POP1: variants seen among roughly 807,000 people sequenced by gnomAD.
POP1 encodes the protein POP1 ribonuclease P/MRP subunit, also known as ribonucleases P/MRP protein subunit POP1.
In POP1, 75 loss-of-function variants were observed where a neutral mutation model predicts 102.2. That is an observed-to-expected ratio of 0.73 (90% CI 0.61 to 0.89). The LOEUF (loss-of-function observed/expected upper bound fraction) is 0.89. POP1 is among the 40% of genes least tolerant of loss of function. The pLI is 0.00. For missense variants in POP1, 1,116 were observed against 1,267.4 expected (o/e 0.88, Z 1.81); for synonymous variants, 436 against 464.1 (o/e 0.94, Z 0.78).
chr8:98,139,955 T>C lies in POP1; in HGVS notation c.1363-123T>C, dbSNP rs28645170. On this transcript the variant is annotated intron_variant, in intron 9 of 15. Coordinates refer to ENST00000401707, the MANE Select transcript of POP1 (RefSeq NM_001145860.2). ...GTATAGTGGCAACTTCCCTGGTTCA[T>C]CCCATAACACATACATTTCCACACA... The C allele has an allele frequency of 0.13, 99,190 of 788,948 alleles. 7,108 individuals are homozygous for C. The highest frequency in any genetic ancestry group is 0.21 in the Middle Eastern group (948 of 4,536). The allele number at this position is 788,948 out of a possible 1,614,324, so 48.9% of individuals were successfully genotyped here. A position where few individuals can be genotyped will look rare whatever the true frequency, so the allele number is the denominator to read the frequency against.
Position 98,156,085 on chromosome 8 carries a change from T to C in POP1, c.2093T>C (p.Leu698Pro). 6.2e-7 allele frequency: 1 copy of C among 1,614,068 alleles called. No homozygotes were observed. The highest frequency in any genetic ancestry group is 8.5e-7 in the Non-Finnish European group (1 of 1,180,032). The stretch of plus-strand genomic sequence containing the variant: ...GCAAAACGGCCCAACTACGTTAAGC[T>C]TGGCACTCTGGCACCTTTCTGCTGT... ...PPAKRPNYVK[L>P]GTLAPFCCPW... Residue 698 changes from leucine to proline, a missense_variant, in exon 15 of 16, where the codon CTT becomes CCT. Leu to Pro is a moderately conservative substitution (Grantham distance 98). Transcript: ENST00000401707.
At chr8:98,133,055 A>AC (rs1439347156) in intron 5 of POP1, among the ~76,000 whole-genome samples, 1 of 136,268 alleles carries the variant, frequency 7.3e-6, no homozygotes, top group Non-Finnish European at 1.6e-5. Context: ...TCTGCAAAAA[A>AC]AAAAAAAAAA....
At chr8:98,145,090 T>C (rs1816808773) in intron 11 of POP1, among the ~76,000 whole-genome samples, 1 of 152,074 alleles carries the variant, frequency 6.6e-6, no homozygotes, top group Non-Finnish European at 1.5e-5. Flanking sequence ...GGTTTCGCCA[T>C]GTTGCCCAGG....
At position 98,117,299 on chromosome 8, in the gene POP1, T is replaced by C. The variant is rs1815863457; in HGVS notation, c.-94T>C. On this transcript the variant is annotated 5_prime_UTR_variant, in exon 1 of 16. Coordinates refer to ENST00000401707, the MANE Select transcript of POP1 (RefSeq NM_001145860.2). ...GAAGCGCCCGGTCTGGCGCATGCGC[T>C]CTCCAGCGCGCTCTCCAGGAGCTTT... 1.7e-6 allele frequency: 1 copy of C among 597,632 alleles called. No individual in the cohort carries two copies. The highest frequency in any genetic ancestry group is 2.9e-5 in the East Asian group (1 of 35,008). 37.0% of individuals were successfully genotyped at this position (597,632 alleles called of 1,614,324 possible).
chr8:98,130,362 C>G, intron 5 of POP1, 136 bp downstream of exon 5: 1 of 1,314,386 alleles, frequency 7.6e-7, no homozygotes, highest in Non-Finnish European at 1.1e-6. Context: ...GCATGAAGCC[C>G]GGGTCCTTTG....
chr8:98,118,060 C>T (rs1815897062), intron 1 of POP1, among the ~76,000 whole-genome samples: 1 of 152,074 alleles, frequency 6.6e-6, no homozygotes, highest in African/African-American at 2.4e-5. Context: ...AATAAAATCT[C>T]TGCCTTCCCT....
At chr8:98,153,531 C>CCCTTTTTT (rs1430760385) in intron 14 of POP1, among the ~76,000 whole-genome samples, 208 of 81,162 alleles carry the variant, frequency 2.6e-3, no homozygotes, top group African/African-American at 6.5e-3. Flanking sequence ...ACAGTTCTGA[C>CCCTTTTTT]TCTTTTTTTT....
intron 9 of POP1, among the ~76,000 whole-genome samples, chr8:98,138,368 C>T (rs555118514): frequency 2.6e-5 from 4 of 152,292 alleles, no homozygotes; most frequent in South Asian, 2.1e-4. Flanking sequence ...TCTGGAATGT[C>T]AGTTCTTGTC....
chr8:98,134,940 C>G (rs1303548635), intron 7 of POP1, among the ~76,000 whole-genome samples: 1 of 152,092 alleles, frequency 6.6e-6, no homozygotes, highest in Non-Finnish European at 1.5e-5. Flanking sequence ...CATCCATCAC[C>G]ACCCATGCTG....
chr8:98,147,970 C>T lies in POP1; in HGVS notation c.1711-845C>T, dbSNP rs12334727. Among the ~76,000 whole-genome samples the T allele has an allele frequency of 6.9e-3, 1,050 of 152,156 alleles. 14 individuals carry two copies. Among genetic ancestry groups the T allele is most frequent in the African/African-American group, 0.024 (989 of 41,502 alleles). ...GAATGGAGTGTGTGAATTGTGGTGT[C>T]ATTCAGCTAGGTGAGGAATATAGGA... On this transcript the variant is annotated intron_variant, in intron 12 of 15. Transcript: ENST00000401707.
intron 10 of POP1, 146 bp from the exon 11 acceptor site, chr8:98,140,623 T>G: frequency 1.3e-6 from 1 of 784,126 alleles, no homozygotes; most frequent in Non-Finnish European, 2.1e-6. Context: ...TCTAAAAGTA[T>G]CAATGGGAAG....
At chr8:98,141,208 T>C (rs1816695307) in intron 11 of POP1, among the ~76,000 whole-genome samples, 1 of 151,924 alleles carries the variant, frequency 6.6e-6, no homozygotes, top group Non-Finnish European at 1.5e-5. Context: ...ATTTTAATTG[T>C]GAGGAAGGGA....
At position 98,156,164 on chromosome 8, in the gene POP1, A is replaced by G; in HGVS notation, c.2172A>G (p.Glu724=). The G allele has an allele frequency of 6.2e-7, 1 of 1,614,126 alleles. No homozygotes were observed. Among genetic ancestry groups the G allele is most frequent in the Non-Finnish European group, 8.5e-7 (1 of 1,180,022 alleles). ...DWESRVQAYE[E]PSVASSPNGK... Reference sequence around the variant, plus strand: ...AGTCAAGAGTCCAGGCTTACGAAGAACCTTCTGTAGCTTCATCTCCAAATG... The same window carrying G: ...AGTCAAGAGTCCAGGCTTACGAAGAGCCTTCTGTAGCTTCATCTCCAAATG... The change falls in exon 15 of 16, where the codon GAA becomes GAG. Residue 724 remains glutamate, a synonymous_variant. Coordinates refer to ENST00000401707, the MANE Select transcript of POP1 (RefSeq NM_001145860.2).
chr8:98,151,333 G>C (rs964333452), intron 14 of POP1, among the ~76,000 whole-genome samples: 16 of 152,168 alleles, frequency 1.1e-4, no homozygotes, highest in Non-Finnish European at 2.2e-4. Context: ...CACCGGCCTT[G>C]GCCTCCCAAA....
intron 2 of POP1, among the ~76,000 whole-genome samples, chr8:98,124,441 A>G (rs111841960): frequency 0.06 from 9,190 of 152,152 alleles, 369 homozygotes; most frequent in Middle Eastern, 0.15. Context: ...GTGTGCCTGT[A>G]GTCCCTGCCA....
chr8:98,135,225 A>G (rs1335438646), intron 7 of POP1, among the ~76,000 whole-genome samples: 1 of 151,980 alleles, frequency 6.6e-6, no homozygotes, highest in African/African-American at 2.4e-5. Context: ...TTGCAGTGAG[A>G]TGAAATCGTG....
Position 98,117,300 on chromosome 8 carries a change from C to T in POP1, c.-93C>T, listed in dbSNP as rs1815863558. ...AAGCGCCCGGTCTGGCGCATGCGCT[C>T]TCCAGCGCGCTCTCCAGGAGCTTTG... On this transcript the variant is annotated 5_prime_UTR_variant, in exon 1 of 16. Coordinates refer to ENST00000401707, the MANE Select transcript of POP1 (RefSeq NM_001145860.2). 7 of 598,154 alleles carry T rather than the reference C, an allele frequency of 1.2e-5. 1 individual carries two copies. Among genetic ancestry groups the T allele is most frequent in the South Asian group, 5.8e-5 (3 of 51,474 alleles). The allele number at this position is 598,154 out of a possible 1,614,324, so 37.1% of individuals were successfully genotyped here.
At chr8:98,141,367 T>A (rs1439686877) in intron 11 of POP1, among the ~76,000 whole-genome samples, 1 of 152,072 alleles carries the variant, frequency 6.6e-6, no homozygotes, top group Non-Finnish European at 1.5e-5. Flanking sequence ...CTGAGAAAGT[T>A]GTTTGGCTGG....
chr8:98,142,701 T>G (rs1816741238), intron 11 of POP1, among the ~76,000 whole-genome samples: 1 of 152,228 alleles, frequency 6.6e-6, no homozygotes, highest in Non-Finnish European at 1.5e-5. Context: ...CTCGTGGGCT[T>G]ATGATCTTTC....
Sources: gnomAD v4.1 joint callset for allele counts (sites outside exome capture counted in the v4.1 genomes callset) on GRCh38, gnomAD v4.1.1 for gene constraint, MANE v1.5 for transcripts, NCBI Gene and HGNC (gene_info 2026-07-23, HGNC 2026-07-21) for gene names.